Variants in CFAP52 observed in about 807,000 individuals in gnomAD.
CFAP52 encodes the protein cilia- and flagella-associated protein 52.
In CFAP52, 57 loss-of-function variants were observed where a neutral mutation model predicts 70.5. The observed-to-expected ratio is 0.81, with a 90% CI of 0.65 to 1.01. CFAP52 has a LOEUF of 1.01. Among genes scored for constraint, CFAP52 ranks in the 50% least tolerant of loss-of-function variants. The pLI, the probability that CFAP52 is intolerant of heterozygous loss-of-function variation, is 0.00. For missense variants in CFAP52, 785 were observed against 788.5 expected (o/e 1.00, Z 0.05); for synonymous variants, 267 against 292.5 (o/e 0.91, Z 0.89).
intron 8 of CFAP52, among the ~76,000 whole-genome samples, chr17:9,622,304 T>C (rs1382782853): frequency 1.3e-5 from 2 of 152,090 alleles, no homozygotes; most frequent in African/African-American, 4.8e-5. Context: ...TCACAGCACT[T>C]TGGGAGACTG....
intron 6 of CFAP52, among the ~76,000 whole-genome samples, chr17:9,605,451 C>A (rs1909444256): frequency 6.6e-6 from 1 of 152,006 alleles, no homozygotes; most frequent in Non-Finnish European, 1.5e-5. Context: ...GTGGCTGACA[C>A]CACTAATCCC....
intron 6 of CFAP52, among the ~76,000 whole-genome samples, chr17:9,605,350 T>C (rs887024483): frequency 6.6e-6 from 1 of 152,152 alleles, no homozygotes; most frequent in Non-Finnish European, 1.5e-5. Flanking sequence ...AAGATGCCAG[T>C]CTGAAAGACT....
At chr17:9,602,297 C>T (rs1471955005) in intron 6 of CFAP52, among the ~76,000 whole-genome samples, 1 of 152,098 alleles carries the variant, frequency 6.6e-6, no homozygotes. Flanking sequence ...CTGACAGGCC[C>T]CGGTGTGTGA....
Position 9,612,366 on chromosome 17 carries a change from G to C in CFAP52, c.912G>C (p.Gln304His). ...TSITLRGEGH[Q>H]FLVGTEESHI... ...TCACACTTCGAGGAGAAGGACACCAGTTTCTCGTAGGAACAGAAGAATCGC... is the reference window on the plus strand; with the variant it reads ...TCACACTTCGAGGAGAAGGACACCACTTTCTCGTAGGAACAGAAGAATCGC... The change falls in exon 8 of 14, where the codon CAG becomes CAC. Residue 304 changes from glutamine (Q) to histidine (H), a missense_variant. By Grantham distance (24) the Gln-to-His change is conservative. Transcript: ENST00000352665. 6.2e-7 allele frequency: 1 copy of C among 1,614,196 alleles called. No individual in the cohort carries two copies. The highest frequency in any genetic ancestry group is 8.5e-7 in the Non-Finnish European group (1 of 1,180,032).
intron 3 of CFAP52, among the ~76,000 whole-genome samples, chr17:9,592,401 A>AGAGGTTGCAGTGAGCC (rs567216280): frequency 0.015 from 2,255 of 152,142 alleles, 50 homozygotes; most frequent in African/African-American, 0.051. Context: ...CCCAGGAGGC[A>AGAGGTTGCAGTGAGCC]GAGGTTGCAG....
chr17:9,635,377 T>A (rs1910726336), intron 10 of CFAP52, 28 bp from the exon 11 acceptor site: 2 of 1,613,042 alleles, frequency 1.2e-6, no homozygotes, highest in South Asian at 1.1e-5. Context: ...CAAGTGTGGA[T>A]CAAGATCCTG....
At chr17:9,600,605 C>T (rs1248683905) in intron 6 of CFAP52, among the ~76,000 whole-genome samples, 3 of 152,100 alleles carry the variant, frequency 2.0e-5, no homozygotes, top group Non-Finnish European at 4.4e-5. Flanking sequence ...CGCTCTGTCG[C>T]CCAGGCTGGC....
chr17:9,608,284 CCAG>C, intron 7 of CFAP52, 65 bp downstream of exon 7: 5 of 1,301,372 alleles, frequency 3.8e-6, no homozygotes, highest in Non-Finnish European at 5.2e-6. Context: ...TTGCTTAAAG[CCAG>C]CAACTCGATG....
Position 9,641,820 on chromosome 17 carries a change from G to GTGCACTTTGTCACAGGTT in CFAP52, c.1673_1687+3dup. The GTGCACTTTGTCACAGGTT allele has an allele frequency of 6.2e-7, 1 of 1,613,722 alleles. No homozygotes were observed. The highest frequency in any genetic ancestry group is 8.5e-7 in the Non-Finnish European group (1 of 1,179,708). On this transcript the variant is annotated inframe_insertion, in exon 13 of 14. Coordinates refer to ENST00000352665, the MANE Select transcript of CFAP52 (RefSeq NM_145054.5). ...TGGCATGGATATCACACAGGAAGGG[G>GTGCACTTTGTCACAGGTT]TGCACTTTGTCACAGGTTAGTCCTG...
At chr17:9,630,885 C>CTGAGACAG in intron 9 of CFAP52, among the ~76,000 whole-genome samples, 1 of 149,862 alleles carries the variant, frequency 6.7e-6, no homozygotes, top group South Asian at 2.1e-4. Context: ...ACCCGGGAGG[C>CTGAGACAG]TGAGACAGGA....
In CFAP52 at chr17:9,585,805, G is replaced by A. The variant is rs765294174; in HGVS notation, c.103G>A (p.Asp35Asn). 1 of 1,614,010 alleles carries A rather than the reference G, an allele frequency of 6.2e-7. No homozygotes were observed. Residue 35 changes from aspartate (D) to asparagine (N), a missense_variant, in exon 2 of 14, where the codon GAC (aspartate) becomes AAC (asparagine). Coordinates refer to ENST00000352665, the MANE Select transcript of CFAP52 (RefSeq NM_145054.5). ...GCCCACTGGTCTCAAATGCCATCCT[G>A]ACCAGGAGCATATGATTTATCCTCT... is the stretch of plus-strand genomic sequence containing the variant. ...HVPTGLKCHP[D>N]QEHMIYPLGC...
At chr17:9,586,181 T>C (rs551617106) in intron 2 of CFAP52, among the ~76,000 whole-genome samples, 1 of 152,260 alleles carries the variant, frequency 6.6e-6, no homozygotes, top group East Asian at 1.9e-4. Context: ...AGCTTGTGAC[T>C]GATAATGCTC....
chr17:9,586,651 T>C, intron 2 of CFAP52, 47 bp from the exon 3 acceptor site: 2 of 1,544,152 alleles, frequency 1.3e-6, no homozygotes, highest in Non-Finnish European at 1.7e-6. Flanking sequence ...TCTCCTCAGA[T>C]GCTTTTAATG....
At chr17:9,592,653 G>A (rs751871126) in intron 3 of CFAP52, among the ~76,000 whole-genome samples, 4 of 152,010 alleles carry the variant, frequency 2.6e-5, no homozygotes, top group African/African-American at 4.8e-5. Flanking sequence ...TTCACTTAGC[G>A]TAATGTTTTC....
At chr17:9,639,474 A>G (rs1271656293) in intron 12 of CFAP52, among the ~76,000 whole-genome samples, 1 of 151,948 alleles carries the variant, frequency 6.6e-6, no homozygotes, top group Non-Finnish European at 1.5e-5. Flanking sequence ...TTTCCCAGCT[A>G]AAGAGGAAGG....
At chr17:9,607,495 C>A (rs1277293470) in intron 6 of CFAP52, among the ~76,000 whole-genome samples, 1 of 152,154 alleles carries the variant, frequency 6.6e-6, no homozygotes, top group Non-Finnish European at 1.5e-5. Flanking sequence ...GGCACCCCAA[C>A]CTTTGAAGAG....
intron 11 of CFAP52, 106 bp from the exon 12 acceptor site, chr17:9,638,503 A>G: frequency 9.7e-7 from 1 of 1,032,308 alleles, no homozygotes; most frequent in African/African-American, 1.6e-5. Context: ...TGGCATGGAG[A>G]TAAACCAACC....
intron 9 of CFAP52, among the ~76,000 whole-genome samples, chr17:9,630,012 A>G (rs1354204592): frequency 6.6e-6 from 1 of 151,922 alleles, no homozygotes; most frequent in African/African-American, 2.4e-5. Context: ...TAGAGCGAAC[A>G]CGGCTCAGGA....
intron 4 of CFAP52, among the ~76,000 whole-genome samples, chr17:9,597,831 A>AGAGAGAGAGAGAGAG (rs57688684): frequency 5.3e-5 from 7 of 131,690 alleles, no homozygotes; most frequent in African/African-American, 1.8e-4. Flanking sequence ...GAGAGAGAGA[A>AGAGAGAGAGAGAGAG]AGAGAGAAAG....
Sources: allele counts gnomAD v4.1 joint callset (sites outside exome capture counted in the v4.1 genomes callset), GRCh38; gene constraint gnomAD v4.1.1; transcripts MANE v1.5; gene names NCBI Gene and HGNC (gene_info 2026-07-23, HGNC 2026-07-21).